Variants in IGF1R observed in about 807,000 individuals in gnomAD.
IGF1R encodes insulin-like growth factor 1 receptor.
Under a neutral mutation model 144.6 loss-of-function variants are expected in IGF1R, and 44 were observed. That is an observed-to-expected ratio of 0.30 (90% CI 0.24 to 0.39). The LOEUF is 0.39. Among genes scored for constraint, IGF1R ranks in the 10% least tolerant of loss-of-function variants. The pLI is 1.00. For synonymous variants in IGF1R, 795 were observed against 722.8 expected, an observed-to-expected ratio of 1.10 and a Z score of -1.60; for missense variants, 1,355 against 1,833.7, an observed-to-expected ratio of 0.74 and a Z score of 4.77.
intron 1 of IGF1R, among the ~76,000 whole-genome samples, chr15:98,705,093 T>A (rs1423859817): frequency 6.6e-6 from 1 of 152,274 alleles, no homozygotes; most frequent in East Asian, 1.9e-4. Context: ...TGACATGAAT[T>A]TGATCATATC....
At chr15:98,783,663 TC>T (rs2055911085) in intron 2 of IGF1R, among the ~76,000 whole-genome samples, 1 of 152,230 alleles carries the variant, frequency 6.6e-6, no homozygotes, top group Non-Finnish European at 1.5e-5. Context: ...ATTTCTTTGC[TC>T]ATTGCCAGTA....
intron 2 of IGF1R, among the ~76,000 whole-genome samples, chr15:98,729,564 T>TC (rs563372895): frequency 0.045 from 201 of 4,514 alleles, no homozygotes; most frequent in Middle Eastern, 0.44. Context: ...CCTAATGTGC[T>TC]TTTTTTTTTT....
intron 2 of IGF1R, among the ~76,000 whole-genome samples, chr15:98,825,344 T>C (rs1384609526): frequency 6.6e-6 from 1 of 152,196 alleles, no homozygotes; most frequent in Non-Finnish European, 1.5e-5. Flanking sequence ...TGGTGTGATA[T>C]TTGTGTATAG....
intron 2 of IGF1R, among the ~76,000 whole-genome samples, chr15:98,726,131 A>G (rs1567096515): frequency 6.6e-6 from 1 of 152,200 alleles, no homozygotes; most frequent in Non-Finnish European, 1.5e-5. Flanking sequence ...TAATCTTTGC[A>G]CAGTCTGTAG....
chr15:98,921,528 C>T (rs1312601389), intron 10 of IGF1R, among the ~76,000 whole-genome samples: 3 of 152,130 alleles, frequency 2.0e-5, no homozygotes, highest in African/African-American at 7.2e-5. Context: ...CTCCAGGGAC[C>T]TGCAGAGTGT....
At chr15:98,708,224 ATT>A in intron 2 of IGF1R, 117 bp downstream of exon 2, 3 of 904,068 alleles carry the variant, frequency 3.3e-6, no homozygotes, top group Non-Finnish European at 5.3e-6. Context: ...GTCGTGTTGC[ATT>A]TAGGACGTGG....
At chr15:98,775,892 A>G (rs1333638474) in intron 2 of IGF1R, among the ~76,000 whole-genome samples, 1 of 152,256 alleles carries the variant, frequency 6.6e-6, no homozygotes, top group Non-Finnish European at 1.5e-5. Context: ...CCACTGGTCT[A>G]TTAAACAAAT....
At chr15:98,878,675 A>AAAAAAC (rs2013191100) in intron 2 of IGF1R, among the ~76,000 whole-genome samples, 1 of 89,496 alleles carries the variant, frequency 1.1e-5, no homozygotes, top group African/African-American at 3.4e-5. Flanking sequence ...AAAAAAAAAA[A>AAAAAAC]AAAAAAAAAA....
rs561530772 is a variant in IGF1R, at chr15:98,842,403, C to T, written c.641-48922C>T. On this transcript the variant is annotated intron_variant, in intron 2 of 20. Coordinates refer to ENST00000650285, the MANE Select transcript of IGF1R (RefSeq NM_000875.5). ...TGCTGCTGTAGTTCAGTTTAGGGGA[C>T]GGGGAATGTTTATAAAAACAAAGTT... Among the ~76,000 whole-genome samples, 12 of 152,118 alleles carry T rather than the reference C, an allele frequency of 7.9e-5. No homozygotes were observed. In the South Asian group the frequency reaches 8.3e-4, roughly 11 times the overall value.
chr15:98,895,295 T>C (rs927139522), intron 3 of IGF1R, among the ~76,000 whole-genome samples: 16 of 152,102 alleles, frequency 1.1e-4, no homozygotes, highest in African/African-American at 2.9e-4. Flanking sequence ...TTGATACTTA[T>C]ATCATGTAAG....
rs774661600 is a variant in IGF1R, at chr15:98,963,196, ATG to A, written c.*5760_*5761del. On this transcript the variant is annotated 3_prime_UTR_variant, in exon 21 of 21. Coordinates refer to ENST00000650285, the MANE Select transcript of IGF1R (RefSeq NM_000875.5). The stretch of plus-strand genomic sequence containing the variant: ...ACTTTTTTTTTCTCTGTGTGTGCAA[ATG>A]TGTGTTTGTGATCCATTTTTTTTTT... 45 of 227,660 alleles carry A rather than the reference ATG, an allele frequency of 2.0e-4. No individual in the cohort carries two copies. Among genetic ancestry groups the A allele is most frequent in the South Asian group, 5.7e-4 (3 of 5,240 alleles). The allele number at this position is 227,660 out of a possible 1,614,324, so 14.1% of individuals were successfully genotyped here. A position where few individuals can be genotyped will look rare whatever the true frequency, so the allele number is the denominator to read the frequency against.
intron 2 of IGF1R, among the ~76,000 whole-genome samples, chr15:98,849,640 T>C (rs1039116262): frequency 6.6e-6 from 1 of 152,098 alleles, no homozygotes; most frequent in Admixed American, 6.5e-5. Flanking sequence ...GAGAAAAATA[T>C]CTGAAACTTC....
chr15:98,935,526 CT>C lies in IGF1R; in HGVS notation c.3297+103del, dbSNP rs1199879079. The C allele has an allele frequency of 1.3e-6, 1 of 784,086 alleles. No individual in the cohort carries two copies. Among genetic ancestry groups the C allele is most frequent in the African/African-American group, 1.7e-5 (1 of 58,502 alleles). 48.6% of individuals were successfully genotyped at this position (784,086 alleles called of 1,614,324 possible). On this transcript the variant is annotated intron_variant, in intron 17 of 20. Transcript: ENST00000650285. This position sits in a 1 kb window ranked among gnomAD's most constrained non-coding sequence, Gnocchi z 4.2. ...AATGCTGTGTCTTTAAATCAGTTTA[CT>C]TTCCAGCATCCAGTGTTTCTTACTG...
chr15:98,920,447 T>C (rs2015436075), intron 10 of IGF1R, among the ~76,000 whole-genome samples: 1 of 152,238 alleles, frequency 6.6e-6, no homozygotes, highest in African/African-American at 2.4e-5. Flanking sequence ...AGAGGGGTTT[T>C]GACAGAATTA....
At chr15:98,656,140 GGTCTTGA>G (rs2052479699) in intron 1 of IGF1R, among the ~76,000 whole-genome samples, 1 of 152,226 alleles carries the variant, frequency 6.6e-6, no homozygotes, top group Non-Finnish European at 1.5e-5. Flanking sequence ...GGTGGTTGGT[GGTCTTGA>G]AGCATTCACA....
chr15:98,916,089 C>T lies in IGF1R; in HGVS notation c.1954C>T (p.Pro652Ser), dbSNP rs1427895738. ...SYYIVRWQRQ[P>S]QDGYLYRHNY... Reference sequence around the variant, plus strand: ...CTACATTGTGCGCTGGCAGCGGCAGCCTCAGGACGGCTACCTTTACCGGCA... The same window carrying T: ...CTACATTGTGCGCTGGCAGCGGCAGTCTCAGGACGGCTACCTTTACCGGCA... Residue 652 changes from proline to serine, a missense_variant, in exon 9 of 21, where the codon CCT becomes TCT. Physicochemically the swap from Pro to Ser is moderately conservative, Grantham distance 74 (BLOSUM62 -1). Around this residue, in one of 7 missense-constraint regions of IGF1R, gnomAD observed 880 missense variants for 1,202.7 expected, o/e 0.73. Coordinates refer to ENST00000650285, the MANE Select transcript of IGF1R (RefSeq NM_000875.5). 1.2e-6 allele frequency: 2 copies of T among 1,614,076 alleles called. No homozygotes were observed. Among genetic ancestry groups the T allele is most frequent in the Non-Finnish European group, 1.7e-6 (2 of 1,180,046 alleles).
At chr15:98,788,456 C>G (rs2056056946) in intron 2 of IGF1R, among the ~76,000 whole-genome samples, 1 of 152,208 alleles carries the variant, frequency 6.6e-6, no homozygotes, top group Non-Finnish European at 1.5e-5. Flanking sequence ...GTTCTCTGAG[C>G]CCTGTCACTT....
At chr15:98,758,293 CCTTT>C (rs1375575668) in intron 2 of IGF1R, among the ~76,000 whole-genome samples, 1 of 151,874 alleles carries the variant, frequency 6.6e-6, no homozygotes, top group East Asian at 1.9e-4. Context: ...GTCTAGTTCT[CCTTT>C]CTTGGTTCGA....
chr15:98,659,531 A>G (rs2052555337), intron 1 of IGF1R, among the ~76,000 whole-genome samples: 1 of 152,148 alleles, frequency 6.6e-6, no homozygotes, highest in Admixed American at 6.5e-5. Flanking sequence ...AAATGTGGAT[A>G]CTACAGACTT....
Sources: allele counts gnomAD v4.1 joint callset (sites outside exome capture counted in the v4.1 genomes callset), GRCh38; gene constraint gnomAD v4.1.1; regional missense constraint gnomAD v4.1.1; non-coding constraint Gnocchi (gnomAD v3.1); transcripts MANE v1.5; gene names NCBI Gene and HGNC (gene_info 2026-07-23, HGNC 2026-07-21).